WDPCP: variants seen among roughly 807,000 people sequenced by gnomAD.
The protein encoded by WDPCP is WD repeat containing planar cell polarity effector.
WDPCP carries 71 observed loss-of-function variants against 93.1 expected under a neutral mutation model. The observed-to-expected ratio is 0.76, with a 90% CI of 0.63 to 0.93. WDPCP has a LOEUF of 0.93. Among genes scored for constraint, WDPCP ranks in the 40% least tolerant of loss-of-function variants. WDPCP has a pLI of 0.00. For missense variants in WDPCP, 844 were observed against 887.4 expected, an observed-to-expected ratio of 0.95 and a Z score of 0.62; for synonymous variants, 315 against 315.0, an observed-to-expected ratio of 1.00 and a Z score of 0.00.
chr2:63,683,835 T>A (rs1385218297), intron 2 of WDPCP, among the ~76,000 whole-genome samples: 3 of 145,782 alleles, frequency 2.1e-5, no homozygotes, highest in Non-Finnish European at 4.5e-5. Context: ...GGTGACAGAG[T>A]GAGACTCCAT....
At chr2:63,558,234 T>C (rs1384251137) in intron 1 of WDPCP, among the ~76,000 whole-genome samples, 1 of 151,660 alleles carries the variant, frequency 6.6e-6, no homozygotes. Flanking sequence ...GCTAAACTAA[T>C]AAAGAAGAAA....
intron 1 of WDPCP, among the ~76,000 whole-genome samples, chr2:63,827,204 CCT>C (rs749876189): frequency 1.4e-4 from 21 of 152,106 alleles, no homozygotes; most frequent in Non-Finnish European, 2.6e-4. Flanking sequence ...CCCTGTTACC[CCT>C]GTTACTTGGC....
In WDPCP at chr2:63,192,681, G is replaced by A. The variant is rs370141026; in HGVS notation, c.1916-17849C>T. 7.9e-4 allele frequency among the ~76,000 whole-genome samples: 121 copies of A among 152,334 alleles called. 2 individuals are homozygous for A. The South Asian group carries it at 0.024, about 30-fold the overall frequency. On this transcript the variant is annotated intron_variant, in intron 14 of 17. Transcript: ENST00000272321. ...TGCTCTTCCATTTCAACAAACTGCT[G>A]AAGTCAAAAGAAGAGAAGTGAGCTA...
At chr2:63,809,104 G>A (rs1313402838) in intron 2 of WDPCP, among the ~76,000 whole-genome samples, 7 of 148,558 alleles carry the variant, frequency 4.7e-5, no homozygotes, top group Admixed American at 6.7e-5. Context: ...CCCTCCGCCC[G>A]GCAGCCGCCC....
intron 14 of WDPCP, among the ~76,000 whole-genome samples, chr2:63,227,522 C>T (rs1447135332): frequency 6.6e-6 from 1 of 151,988 alleles, no homozygotes; most frequent in South Asian, 2.1e-4. Flanking sequence ...AACCACACAA[C>T]TAATCTGTAA....
intron 2 of WDPCP, among the ~76,000 whole-genome samples, chr2:63,706,435 G>A (rs112419428): frequency 0.017 from 2,574 of 152,094 alleles, 24 homozygotes; most frequent in African/African-American, 0.018. Flanking sequence ...GGCTGATACC[G>A]GTTGTTCCTT....
chr2:63,796,543 C>A (rs929777960), intron 2 of WDPCP, among the ~76,000 whole-genome samples: 5 of 152,196 alleles, frequency 3.3e-5, no homozygotes, highest in African/African-American at 4.8e-5. Flanking sequence ...AAGAGATAAT[C>A]TGTGTGCTTG....
rs1700818223 is a variant in WDPCP, at chr2:63,490,546, G to A, written c.160+2310C>T. ...TCTCTAAGTGACTTAATAAAGCCGA[G>A]CCCTAAAGAAGTAGGATTCATAAAA... is the stretch of plus-strand genomic sequence containing the variant. On this transcript the variant is annotated intron_variant, in intron 2 of 17. Coordinates refer to ENST00000272321, the MANE Select transcript of WDPCP (RefSeq NM_015910.7). Among the ~76,000 whole-genome samples the A allele has an allele frequency of 2.0e-5, 3 of 152,176 alleles. No individual in the cohort carries two copies. The South Asian group carries it at 6.2e-4, about 32-fold the overall frequency.
Position 63,806,063 on chromosome 2 carries a change from A to G in WDPCP, n.308+7559T>C, listed in dbSNP as rs564511597. Among the ~76,000 whole-genome samples the G allele has an allele frequency of 1.4e-4, 22 of 152,336 alleles. No individual in the cohort carries two copies. In the East Asian group the frequency reaches 3.1e-3, roughly 21 times the overall value. The stretch of plus-strand genomic sequence containing the variant: ...CAGGAGGCGTAGGTTGCAGTGATTC[A>G]GGATTGCGCCACTGCACTCCAGCCT... On this transcript the variant is annotated intron_variant and non_coding_transcript_variant, in intron 2 of 4. Coordinates refer to the WDPCP transcript ENST00000467687.
intron 1 of WDPCP, among the ~76,000 whole-genome samples, chr2:63,824,417 C>T (rs1671078078): frequency 6.6e-6 from 1 of 151,338 alleles, no homozygotes; most frequent in Admixed American, 6.6e-5. Context: ...GCATGGTGGC[C>T]CATACCCATG....
chr2:63,381,188 T>C (rs1423792060), intron 11 of WDPCP, among the ~76,000 whole-genome samples: 1 of 152,136 alleles, frequency 6.6e-6, no homozygotes, highest in Non-Finnish European at 1.5e-5. Flanking sequence ...AAATAACTTA[T>C]AAGAAAAATA....
At chr2:63,208,740 A>G (rs1171694779) in intron 14 of WDPCP, among the ~76,000 whole-genome samples, 3 of 151,940 alleles carry the variant, frequency 2.0e-5, no homozygotes, top group Admixed American at 6.6e-5. Flanking sequence ...AAGTCCCCCT[A>G]CCTTCCGTGT....
intron 13 of WDPCP, among the ~76,000 whole-genome samples, chr2:63,266,110 C>G (rs1224794499): frequency 1.3e-5 from 2 of 152,104 alleles, no homozygotes; most frequent in African/African-American, 4.8e-5. Flanking sequence ...ACAAGGATAC[C>G]TACTCTTATC....
At chr2:63,619,866 G>A (rs1345275542) in intron 3 of WDPCP, among the ~76,000 whole-genome samples, 3 of 152,190 alleles carry the variant, frequency 2.0e-5, no homozygotes, top group Admixed American at 1.3e-4. Context: ...TGCGGCCCAT[G>A]GAGAGCAAGC....
At chr2:63,168,043 T>C (rs971842594) in intron 15 of WDPCP, among the ~76,000 whole-genome samples, 12 of 133,818 alleles carry the variant, frequency 9.0e-5, no homozygotes, top group Non-Finnish European at 1.5e-5. Context: ...GCCCAGGAGG[T>C]CAAGACTGTG....
intron 2 of WDPCP, among the ~76,000 whole-genome samples, chr2:63,670,181 A>G (rs1710327559): frequency 6.6e-6 from 1 of 152,148 alleles, no homozygotes. Context: ...AGGCTCTAAC[A>G]TGATGTAATT....
chr2:63,330,440 A>G (rs1687893824), intron 12 of WDPCP, among the ~76,000 whole-genome samples: 1 of 152,062 alleles, frequency 6.6e-6, no homozygotes, highest in South Asian at 2.1e-4. Context: ...TTTATTTGCT[A>G]TGGAGTTGTA....
intron 13 of WDPCP, among the ~76,000 whole-genome samples, chr2:63,296,717 T>G (rs990150204): frequency 6.6e-6 from 1 of 152,148 alleles, no homozygotes; most frequent in Non-Finnish European, 1.5e-5. Flanking sequence ...TTAAAATACC[T>G]AGTAGTATAT....
At chr2:63,256,299 T>C (rs1339245079) in intron 14 of WDPCP, among the ~76,000 whole-genome samples, 2 of 152,120 alleles carry the variant, frequency 1.3e-5, no homozygotes, top group Admixed American at 1.3e-4. Context: ...CAGAGTTGCT[T>C]AAAGCAGTGA....
Sources: gnomAD v4.1 joint callset for allele counts (sites outside exome capture counted in the v4.1 genomes callset) on GRCh38, gnomAD v4.1.1 for gene constraint, MANE v1.5 for transcripts, NCBI Gene and HGNC (gene_info 2026-07-23, HGNC 2026-07-21) for gene names.